The following ARHGEF7 variants were observed in gnomAD, a reference collection of about 807,000 sequenced individuals.
ARHGEF7 encodes the protein PAK-interacting exchange factor beta.
ARHGEF7 carries 33 observed loss-of-function variants against 109.8 expected under a neutral mutation model. The ratio of observed to expected loss-of-function variants is 0.30; its 90% CI spans 0.23 to 0.40. The LOEUF (loss-of-function observed/expected upper bound fraction) is 0.40. Ranked by LOEUF, ARHGEF7 falls within the 10% of genes least tolerant of loss-of-function variation. ARHGEF7 has a pLI of 1.00. For missense variants in ARHGEF7, 938 were observed against 1,098.5 expected (o/e 0.85, Z 2.07); for synonymous variants, 458 against 424.6 (o/e 1.08, Z -0.97).
intron 2 of ARHGEF7, among the ~76,000 whole-genome samples, chr13:111,191,366 T>G (rs1387152137): frequency 1.3e-5 from 2 of 152,168 alleles, no homozygotes; most frequent in Non-Finnish European, 2.9e-5. Flanking sequence ...AACAGGGCCG[T>G]GTATGCGCTT....
At position 111,289,032 on chromosome 13, in the gene ARHGEF7, C is replaced by CT. The variant is rs1167094412; in HGVS notation, c.2134+599dup. Among the ~76,000 whole-genome samples the CT allele has an allele frequency of 1.7e-3, 255 of 147,578 alleles. 2 individuals carry two copies. Among genetic ancestry groups the CT allele is most frequent in the African/African-American group, 4.9e-3 (199 of 40,608 alleles). ...GAAAAACTTTTTTCTATTAAGGTGGCTTTTTTTTTTCTTTTTGGAGACGGA... is the reference window on the plus strand; with the variant it reads ...GAAAAACTTTTTTCTATTAAGGTGGCTTTTTTTTTTTCTTTTTGGAGACGGA... On this transcript the variant is annotated intron_variant, in intron 18 of 21. Transcript: ENST00000646102.
At chr13:111,141,637 T>C (rs1023094016) in intron 1 of ARHGEF7, among the ~76,000 whole-genome samples, 1 of 152,196 alleles carries the variant, frequency 6.6e-6, no homozygotes, top group African/African-American at 2.4e-5. Flanking sequence ...TCCATATTTT[T>C]TTTTTTTATG....
At chr13:111,196,830 A>G (rs897830167) in intron 2 of ARHGEF7, among the ~76,000 whole-genome samples, 7 of 152,124 alleles carry the variant, frequency 4.6e-5, no homozygotes, top group African/African-American at 1.7e-4. Flanking sequence ...AGGTATTTCA[A>G]TCCATTTGCC....
chr13:111,206,569 G>T (rs557632975), intron 3 of ARHGEF7, among the ~76,000 whole-genome samples: 14 of 152,288 alleles, frequency 9.2e-5, no homozygotes, highest in African/African-American at 3.4e-4. Flanking sequence ...TAAATGGCAG[G>T]ATTATGAAGA....
chr13:111,202,122 C>A (rs1176461612), intron 2 of ARHGEF7, among the ~76,000 whole-genome samples: 1 of 152,190 alleles, frequency 6.6e-6, no homozygotes. Context: ...GTTTGAAATA[C>A]GCTTTTTCAA....
chr13:111,115,610 G>T lies in ARHGEF7; in HGVS notation c.84G>T (p.Glu28Asp). Residue 28 changes from glutamate (E) to aspartate (D), a missense_variant, in exon 1 of 22, where the codon GAG becomes GAT. Physicochemically the swap from Glu to Asp is conservative, Grantham distance 45. This residue lies in a region of ARHGEF7 where 165 missense variants were observed against 125.8 expected (regional missense o/e 1.31). Coordinates refer to ENST00000646102, the MANE Select transcript of ARHGEF7 (RefSeq NM_001354046.2). ...CCAAAAAAACCATCTCGGACCCGGA[G>T]GGCTTTCTGCAGGCGTCGCTGAAGG... ...ESPKKTISDP[E>D]GFLQASLKDG... 7.1e-7 allele frequency: 1 copy of T among 1,416,704 alleles called. No individual in the cohort carries two copies. Among genetic ancestry groups the T allele is most frequent in the Admixed American group, 2.2e-5 (1 of 45,478 alleles). The allele number at this position is 1,416,704 out of a possible 1,614,324, so 87.8% of individuals were successfully genotyped here. A position where few individuals can be genotyped will look rare whatever the true frequency, so the allele number is the denominator to read the frequency against.
intron 1 of ARHGEF7, among the ~76,000 whole-genome samples, chr13:111,142,140 G>T (rs546210716): frequency 4.7e-4 from 71 of 151,996 alleles, no homozygotes; most frequent in African/African-American, 1.6e-3. Context: ...GTTTTTTTCA[G>T]ATCTTTTGCC....
chr13:111,156,260 C>G (rs2076323718), intron 2 of ARHGEF7, among the ~76,000 whole-genome samples: 1 of 152,152 alleles, frequency 6.6e-6, no homozygotes, highest in Admixed American at 6.5e-5. Context: ...GTGCTTGGCA[C>G]ATAATAGGCT....
Position 111,273,798 on chromosome 13 carries a change from G to A in ARHGEF7, c.1074-16G>A. The A allele has an allele frequency of 6.2e-7, 1 of 1,613,890 alleles. No homozygotes were observed. The highest frequency in any genetic ancestry group is 1.1e-5 in the South Asian group (1 of 91,068). On this transcript the variant is annotated splice_polypyrimidine_tract_variant and intron_variant, in intron 9 of 21. Coordinates refer to ENST00000646102, the MANE Select transcript of ARHGEF7 (RefSeq NM_001354046.2). The surrounding 1 kb of genome is among the most constrained non-coding windows in gnomAD (Gnocchi z 4.5). ...ATTGCTAACCACGAGTGTCTCTCTT[G>A]CCACTTGCTGCCCAGTGAGGAGTTG...
At chr13:111,245,386 TTG>T (rs1431145616) in intron 8 of ARHGEF7, among the ~76,000 whole-genome samples, 2 of 152,102 alleles carry the variant, frequency 1.3e-5, no homozygotes, top group African/African-American at 2.4e-5. Context: ...AAATGGTTCA[TTG>T]TTGTGTAGAA....
intron 1 of ARHGEF7, among the ~76,000 whole-genome samples, chr13:111,117,903 C>G (rs1404136113): frequency 6.6e-6 from 1 of 152,250 alleles, no homozygotes; most frequent in Non-Finnish European, 1.5e-5. Context: ...ACCAGATAAT[C>G]TATGCCACAA....
intron 2 of ARHGEF7, among the ~76,000 whole-genome samples, chr13:111,193,608 T>C (rs535431687): frequency 6.6e-6 from 1 of 152,354 alleles, no homozygotes; most frequent in African/African-American, 2.4e-5. Context: ...TTATTCTTTT[T>C]CCCTTTCCCA....
chr13:111,221,546 CATATCTAT>C lies in ARHGEF7; in HGVS notation c.670+3679_670+3686del, dbSNP rs1346614142. ...ATCTATATATATCTATATATAGATA[CATATCTAT>C]ATATCTATATATATAGATACATATC... is the stretch of plus-strand genomic sequence containing the variant. On this transcript the variant is annotated intron_variant, in intron 5 of 21. Coordinates refer to ENST00000646102, the MANE Select transcript of ARHGEF7 (RefSeq NM_001354046.2). Among the ~76,000 whole-genome samples, 26 of 49,194 alleles carry C rather than the reference CATATCTAT, an allele frequency of 5.3e-4. No individual in the cohort carries two copies. In the East Asian group the frequency reaches 9.0e-3, roughly 17 times the overall value. The allele number at this position is 49,194 out of a possible 152,430, so 32.3% of individuals were successfully genotyped here.
chr13:111,285,518 G>A (rs1434096900), intron 16 of ARHGEF7, among the ~76,000 whole-genome samples: 1 of 152,116 alleles, frequency 6.6e-6, no homozygotes, highest in Non-Finnish European at 1.5e-5. Flanking sequence ...TTGAAAAGCT[G>A]TTTGAAGAGG....
intron 2 of ARHGEF7, among the ~76,000 whole-genome samples, chr13:111,159,828 G>A (rs1029493971): frequency 6.6e-6 from 1 of 151,954 alleles, no homozygotes; most frequent in African/African-American, 2.4e-5. Context: ...TCTTAATTCT[G>A]TTTTGCTGTG....
At chr13:111,259,103 C>G (rs988529078) in intron 8 of ARHGEF7, among the ~76,000 whole-genome samples, 1 of 152,202 alleles carries the variant, frequency 6.6e-6, no homozygotes, top group African/African-American at 2.4e-5. Context: ...GTTTCAGCTT[C>G]CGGGCTCTGG....
intron 8 of ARHGEF7, among the ~76,000 whole-genome samples, chr13:111,265,124 CAAA>C (rs976877106): frequency 8.8e-4 from 61 of 69,472 alleles, no homozygotes; most frequent in Middle Eastern, 9.1e-3. Context: ...AACTCCATCT[CAAA>C]AAAAAAAAAA....
chr13:111,227,474 A>T (rs1467631945), intron 5 of ARHGEF7, among the ~76,000 whole-genome samples: 1 of 152,284 alleles, frequency 6.6e-6, no homozygotes. Flanking sequence ...CTGAAGGCTC[A>T]GATGATTGTT....
At chr13:111,254,251 T>G (rs1428352398) in intron 8 of ARHGEF7, among the ~76,000 whole-genome samples, 2 of 152,272 alleles carry the variant, frequency 1.3e-5, no homozygotes, top group Non-Finnish European at 2.9e-5. Flanking sequence ...GTTTGAACTG[T>G]TTTTAAATAA....
Sources: gnomAD v4.1 joint callset for allele counts (sites outside exome capture counted in the v4.1 genomes callset) on GRCh38, gnomAD v4.1.1 for gene constraint, gnomAD v4.1.1 regional missense constraint, Gnocchi (gnomAD v3.1) non-coding constraint, MANE v1.5 for transcripts, NCBI Gene and HGNC (gene_info 2026-07-23, HGNC 2026-07-21) for gene names.